The following DSCAML1 variants were observed in gnomAD, a reference collection of about 807,000 sequenced individuals.
DSCAML1 encodes the protein cell adhesion molecule DSCAML1.
DSCAML1 carries 38 observed loss-of-function variants against 200.5 expected under a neutral mutation model. The observed-to-expected ratio is 0.19, with a 90% CI of 0.15 to 0.25. The LOEUF (loss-of-function observed/expected upper bound fraction) is 0.25. Ranked by LOEUF, DSCAML1 falls within the 10% of genes least tolerant of loss-of-function variation. The pLI is 1.00. For missense variants in DSCAML1, 2,223 were observed against 2,858.8 expected, an observed-to-expected ratio of 0.78 and a Z score of 5.07; for synonymous variants, 1,215 against 1,165.0, an observed-to-expected ratio of 1.04 and a Z score of -0.87.
At chr11:117,776,387 A>G (rs767678285) in intron 3 of DSCAML1, among the ~76,000 whole-genome samples, 33 of 152,156 alleles carry the variant, frequency 2.2e-4, no homozygotes, top group Non-Finnish European at 4.1e-4. Flanking sequence ...CACACGACGC[A>G]GGAACACAGA....
At position 117,695,315 on chromosome 11, in the gene DSCAML1, CTTTTTTT is replaced by C. The variant is rs753748981; in HGVS notation, c.511+81469_511+81475del. On this transcript the variant is annotated intron_variant, in intron 3 of 32. Transcript: ENST00000651296. Reference sequence around the variant, plus strand: ...TTTTTTCTTTTCTTTCTTTCTTTTTCTTTTTTTTTTTTTTTTTTTGCTAACCAACCTG... The same window carrying C: ...TTTTTTCTTTTCTTTCTTTCTTTTTCTTTTTTTTTTTTGCTAACCAACCTG... Among the ~76,000 whole-genome samples, 68 of 116,718 alleles carry C rather than the reference CTTTTTTT, an allele frequency of 5.8e-4. 1 individual carries two copies. The highest frequency in any genetic ancestry group is 1.5e-3 in the East Asian group (6 of 3,952). 76.6% of individuals were successfully genotyped at this position (116,718 alleles called of 152,430 possible).
intron 3 of DSCAML1, among the ~76,000 whole-genome samples, chr11:117,601,037 C>T (rs1169001363): frequency 1.3e-5 from 2 of 152,170 alleles, no homozygotes; most frequent in Non-Finnish European, 2.9e-5. Context: ...AAGATTATCC[C>T]TTGAAAAGTA....
At chr11:117,573,042 G>A (rs564049365) in intron 3 of DSCAML1, among the ~76,000 whole-genome samples, 2 of 152,320 alleles carry the variant, frequency 1.3e-5, no homozygotes, top group South Asian at 4.1e-4. Context: ...ATGGCCCTGT[G>A]AGAGAGCTAT....
At chr11:117,704,282 T>C (rs1393908487) in intron 3 of DSCAML1, among the ~76,000 whole-genome samples, 1 of 152,076 alleles carries the variant, frequency 6.6e-6, no homozygotes, top group Non-Finnish European at 1.5e-5. Context: ...TTCCTCAGAC[T>C]TATTCCTTGA....
chr11:117,544,995 G>C (rs1175601215), intron 3 of DSCAML1, among the ~76,000 whole-genome samples: 2 of 152,112 alleles, frequency 1.3e-5, no homozygotes, highest in Non-Finnish European at 2.9e-5. Context: ...ACTTTGGGAG[G>C]CTGAGATGGG....
chr11:117,439,045 G>T, intron 23 of DSCAML1, 62 bp from the exon 24 acceptor site: 1 of 1,483,130 alleles, frequency 6.7e-7, no homozygotes, highest in Non-Finnish European at 9.1e-7. Context: ...GGTGTGGGGA[G>T]TCCCCCCGTG....
At chr11:117,462,786 T>G (rs1340691204) in intron 17 of DSCAML1, among the ~76,000 whole-genome samples, 1 of 151,802 alleles carries the variant, frequency 6.6e-6, no homozygotes, top group Non-Finnish European at 1.5e-5. Context: ...CCAGGAGGAG[T>G]GCTAATATTG....
intron 3 of DSCAML1, among the ~76,000 whole-genome samples, chr11:117,765,245 A>T (rs1039931302): frequency 6.6e-6 from 1 of 152,220 alleles, no homozygotes; most frequent in South Asian, 2.1e-4. Flanking sequence ...TTCCACTGTG[A>T]AAGTCGAGCT....
At chr11:117,750,545 G>T in intron 3 of DSCAML1, among the ~76,000 whole-genome samples, 1 of 152,176 alleles carries the variant, frequency 6.6e-6, no homozygotes, top group African/African-American at 2.4e-5. Flanking sequence ...TCTCCCGGGC[G>T]TGTCTACTCC....
chr11:117,663,857 C>T (rs1056042419), intron 3 of DSCAML1, among the ~76,000 whole-genome samples: 3 of 152,206 alleles, frequency 2.0e-5, no homozygotes, highest in African/African-American at 7.2e-5. Context: ...GCACCACTTA[C>T]ACAACATCTT....
chr11:117,671,679 C>A, intron 3 of DSCAML1, among the ~76,000 whole-genome samples: 1 of 152,294 alleles, frequency 6.6e-6, no homozygotes, highest in African/African-American at 2.4e-5. Context: ...ATCACACCTA[C>A]AGTCAGTCAA....
At chr11:117,794,284 C>G (rs911605524) in intron 1 of DSCAML1, among the ~76,000 whole-genome samples, 3 of 152,154 alleles carry the variant, frequency 2.0e-5, no homozygotes, top group Non-Finnish European at 4.4e-5. Context: ...GATGCTGGCA[C>G]GCTGGATGGA....
chr11:117,660,230 G>A (rs1480177515), intron 3 of DSCAML1, among the ~76,000 whole-genome samples: 2 of 152,196 alleles, frequency 1.3e-5, no homozygotes, highest in East Asian at 1.9e-4. Flanking sequence ...CGAGCTCCAG[G>A]TGGGGAGAAG....
At chr11:117,473,618 G>T (rs2048730454) in intron 14 of DSCAML1, among the ~76,000 whole-genome samples, 1 of 152,208 alleles carries the variant, frequency 6.6e-6, no homozygotes. Flanking sequence ...AGATCTTGAT[G>T]GTTTGCAAAA....
chr11:117,651,895 A>T (rs938799618), intron 3 of DSCAML1, among the ~76,000 whole-genome samples: 3 of 152,092 alleles, frequency 2.0e-5, no homozygotes, highest in Non-Finnish European at 4.4e-5. Context: ...AACAGCGGGG[A>T]TGACAATGCC....
At chr11:117,657,499 C>T (rs1191772095) in intron 3 of DSCAML1, among the ~76,000 whole-genome samples, 4 of 152,186 alleles carry the variant, frequency 2.6e-5, no homozygotes, top group East Asian at 3.8e-4. Flanking sequence ...ACTCATGTAA[C>T]AATCATATTT....
chr11:117,583,445 C>T (rs1021836482), intron 3 of DSCAML1, among the ~76,000 whole-genome samples: 7 of 152,202 alleles, frequency 4.6e-5, no homozygotes, highest in African/African-American at 1.4e-4. Flanking sequence ...CAAGAATCCC[C>T]TGCCCATCCA....
At chr11:117,570,143 G>T (rs1181783012) in intron 3 of DSCAML1, among the ~76,000 whole-genome samples, 4 of 152,090 alleles carry the variant, frequency 2.6e-5, no homozygotes, top group African/African-American at 9.7e-5. Context: ...TTTCTAGAGG[G>T]GTGGGGGGAT....
intron 3 of DSCAML1, among the ~76,000 whole-genome samples, chr11:117,601,003 C>T (rs57153611): frequency 0.046 from 7,062 of 152,204 alleles, 551 homozygotes; most frequent in African/African-American, 0.16. Context: ...GTAGTTCCCA[C>T]CTCCTCAGCT....
Sources: gnomAD v4.1 joint callset for allele counts (sites outside exome capture counted in the v4.1 genomes callset) on GRCh38, gnomAD v4.1.1 for gene constraint, MANE v1.5 for transcripts, NCBI Gene and HGNC (gene_info 2026-07-23, HGNC 2026-07-21) for gene names.